RBFOX3: variants seen among roughly 807,000 people sequenced by gnomAD.
RBFOX3 encodes RNA binding protein fox-1 homolog 3.
RBFOX3 carries 17 observed loss-of-function variants against 48.7 expected under a neutral mutation model. The observed-to-expected ratio is 0.35, with a 90% CI of 0.24 to 0.52. The LOEUF is 0.52. RBFOX3 is among the 20% of genes least tolerant of loss of function. RBFOX3 has a pLI of 0.94. For synonymous variants in RBFOX3, 212 were observed against 209.5 expected (o/e 1.01, Z -0.10); for missense variants, 382 against 497.5 (o/e 0.77, Z 2.21).
chr17:79,268,832 T>A (rs2067192324), intron 3 of RBFOX3, among the ~76,000 whole-genome samples: 4 of 152,214 alleles, frequency 2.6e-5, no homozygotes, highest in African/African-American at 9.7e-5. Context: ...CTCATTCCTG[T>A]TCCTTCCTCC....
In RBFOX3 at chr17:79,214,070, T is replaced by C. The variant is rs1468410621; in HGVS notation, c.-34+21696A>G. Among the ~76,000 whole-genome samples the C allele has an allele frequency of 6.6e-6, 1 of 152,178 alleles. No homozygotes were observed. Among genetic ancestry groups the C allele is most frequent in the Non-Finnish European group, 1.5e-5 (1 of 68,034 alleles). ...CGGTGAACTACAGCCAACCCTCGCA[T>C]GGCGCCGCCCAGCTCTGGTAGGAGG... On this transcript the variant is annotated intron_variant, in intron 4 of 14. Coordinates refer to ENST00000693108, the MANE Select transcript of RBFOX3 (RefSeq NM_001350451.2). This position sits in a 1 kb window ranked among gnomAD's most constrained non-coding sequence, Gnocchi z 4.7.
intron 1 of RBFOX3, among the ~76,000 whole-genome samples, chr17:79,563,194 T>C (rs1258025286): frequency 1.3e-5 from 2 of 149,444 alleles, no homozygotes; most frequent in African/African-American, 5.0e-5. Context: ...TGTTTTAAAA[T>C]GTGGGCCAGG....
intron 2 of RBFOX3, among the ~76,000 whole-genome samples, chr17:79,321,681 C>A (rs191700735): frequency 9.4e-5 from 14 of 148,194 alleles, no homozygotes; most frequent in Non-Finnish European, 2.1e-4. Flanking sequence ...GCTGGAATTG[C>A]GAGCCGGGCT....
At chr17:79,229,888 T>G (rs1769758157) in intron 4 of RBFOX3, among the ~76,000 whole-genome samples, 1 of 152,186 alleles carries the variant, frequency 6.6e-6, no homozygotes. Context: ...ATTCCTGCCT[T>G]TTGAACAGGC....
chr17:79,466,330 A>G (rs2149330083), intron 2 of RBFOX3, among the ~76,000 whole-genome samples: 1 of 152,306 alleles, frequency 6.6e-6, no homozygotes, highest in Non-Finnish European at 1.5e-5. Context: ...GCGGGGGGCG[A>G]GCACAGGCAG....
chr17:79,193,653 G>A (rs1251151120), intron 4 of RBFOX3, among the ~76,000 whole-genome samples: 1 of 152,200 alleles, frequency 6.6e-6, no homozygotes, highest in Non-Finnish European at 1.5e-5. Context: ...GAATTATAAT[G>A]AAGTGGCTGC....
At chr17:79,110,939 G>A (rs2031096265) in intron 5 of RBFOX3, among the ~76,000 whole-genome samples, 1 of 152,096 alleles carries the variant, frequency 6.6e-6, no homozygotes, top group Admixed American at 6.5e-5. Flanking sequence ...CCAGTGGCCA[G>A]CCACGGCCTA....
At chr17:79,449,280 C>T (rs1409627289) in intron 2 of RBFOX3, among the ~76,000 whole-genome samples, 1 of 152,060 alleles carries the variant, frequency 6.6e-6, no homozygotes, top group East Asian at 1.9e-4. Context: ...CTGTCACTCA[C>T]CTCTCTTGCT....
intron 1 of RBFOX3, among the ~76,000 whole-genome samples, chr17:79,589,158 C>T (rs1387432013): frequency 6.6e-6 from 1 of 152,232 alleles, no homozygotes; most frequent in African/African-American, 2.4e-5. Flanking sequence ...GCTGGGGCTA[C>T]CATAACACAG....
rs2058824865 is a variant in RBFOX3, at chr17:79,214,913, C to T, written c.-34+20853G>A. 6.6e-6 allele frequency among the ~76,000 whole-genome samples: 1 copy of T among 152,200 alleles called. No homozygotes were observed. Among genetic ancestry groups the T allele is most frequent in the Non-Finnish European group, 1.5e-5 (1 of 68,022 alleles). ...TTGTTCTTTATTTCTCTGGCAATTA[C>T]CGCTAATTTGGAGACGTTCTGCCTT... is the stretch of plus-strand genomic sequence containing the variant. On this transcript the variant is annotated intron_variant, in intron 4 of 14. Coordinates refer to ENST00000693108, the MANE Select transcript of RBFOX3 (RefSeq NM_001350451.2). This position sits in a 1 kb window ranked among gnomAD's most constrained non-coding sequence, Gnocchi z 4.7.
At chr17:79,150,280 G>T (rs1333909214) in intron 4 of RBFOX3, among the ~76,000 whole-genome samples, 1 of 151,950 alleles carries the variant, frequency 6.6e-6, no homozygotes, top group African/African-American at 2.4e-5. Flanking sequence ...CCTGGCTGGG[G>T]CCCAGGCCAC....
At chr17:79,415,768 G>A (rs1432092520) in intron 2 of RBFOX3, among the ~76,000 whole-genome samples, 2 of 152,160 alleles carry the variant, frequency 1.3e-5, no homozygotes, top group Non-Finnish European at 2.9e-5. Flanking sequence ...TGGGCCCTGG[G>A]GGAGGCAGAG....
At chr17:79,095,245 C>T (rs1282720208) in intron 13 of RBFOX3, among the ~76,000 whole-genome samples, 20 of 104,654 alleles carry the variant, frequency 1.9e-4, no homozygotes, top group Admixed American at 6.9e-4. Flanking sequence ...ACGGGGCTTG[C>T]GGGGGGCGGT....
the RBFOX3 span, among the ~76,000 whole-genome samples, chr17:79,643,041 G>A: frequency 5.3e-5 from 8 of 152,110 alleles, no homozygotes; most frequent in Non-Finnish European, 1.2e-4. Flanking sequence ...GTTCAAGGTT[G>A]CAGTGAGCTG....
At chr17:79,171,968 G>A (rs899445445) in intron 4 of RBFOX3, among the ~76,000 whole-genome samples, 2 of 152,086 alleles carry the variant, frequency 1.3e-5, no homozygotes, top group Non-Finnish European at 2.9e-5. Context: ...GGTCAGGAGA[G>A]TTCGAGACCA....
At chr17:79,323,678 A>G (rs901018627) in intron 2 of RBFOX3, among the ~76,000 whole-genome samples, 3 of 152,216 alleles carry the variant, frequency 2.0e-5, no homozygotes, top group African/African-American at 7.2e-5. Flanking sequence ...TGCCAGGATT[A>G]CTGAAGAAGT....
At chr17:79,095,932 A>G (rs921157528) in intron 12 of RBFOX3, among the ~76,000 whole-genome samples, 2 of 152,194 alleles carry the variant, frequency 1.3e-5, no homozygotes, top group Non-Finnish European at 2.9e-5. Flanking sequence ...TTGGCAAGGA[A>G]GAGGTGCTCA....
chr17:79,200,937 AG>A (rs1567831324), intron 4 of RBFOX3, among the ~76,000 whole-genome samples: 1 of 151,978 alleles, frequency 6.6e-6, no homozygotes, highest in East Asian at 1.9e-4. Flanking sequence ...GGGCCTGGCC[AG>A]TCCCAATTCC....
chr17:79,268,494 G>A (rs974269415), intron 3 of RBFOX3, among the ~76,000 whole-genome samples: 2 of 152,114 alleles, frequency 1.3e-5, no homozygotes, highest in East Asian at 1.9e-4. Context: ...CCCGCTGCGG[G>A]TGGGGACGTC....
Sources: allele counts gnomAD v4.1 joint callset (sites outside exome capture counted in the v4.1 genomes callset), GRCh38; gene constraint gnomAD v4.1.1; non-coding constraint Gnocchi (gnomAD v3.1); transcripts MANE v1.5; gene names NCBI Gene and HGNC (gene_info 2026-07-23, HGNC 2026-07-21).